Variants in ZSWIM6 observed in about 807,000 individuals in gnomAD.
The protein encoded by ZSWIM6 is zinc finger SWIM domain-containing protein 6.
ZSWIM6 carries 9 observed loss-of-function variants against 113.2 expected under a neutral mutation model. That is an observed-to-expected ratio of 0.08 (90% CI 0.05 to 0.14). The LOEUF is 0.14. Ranked by LOEUF, ZSWIM6 falls within the 10% of genes least tolerant of loss-of-function variation. ZSWIM6 has a pLI of 1.00. For missense variants in ZSWIM6, 1,162 were observed against 1,552.2 expected (o/e 0.75, Z 4.22); for synonymous variants, 611 against 606.5 (o/e 1.01, Z -0.11).
intron 1 of ZSWIM6, among the ~76,000 whole-genome samples, chr5:61,464,933 A>T (rs912148723): frequency 2.0e-5 from 3 of 152,228 alleles, no homozygotes; most frequent in Non-Finnish European, 4.4e-5. Flanking sequence ...AATAAACTTC[A>T]TCTGCACTTC....
chr5:61,392,561 A>G (rs139474332), intron 1 of ZSWIM6, among the ~76,000 whole-genome samples: 3 of 152,266 alleles, frequency 2.0e-5, no homozygotes, highest in African/African-American at 7.2e-5. Flanking sequence ...TGCCACTCTC[A>G]TGATATAATG....
intron 1 of ZSWIM6, among the ~76,000 whole-genome samples, chr5:61,410,163 C>T (rs909494034): frequency 2.6e-5 from 4 of 152,230 alleles, no homozygotes; most frequent in South Asian, 2.1e-4. Flanking sequence ...TACAAAACTA[C>T]GAAAACTCAG....
At chr5:61,397,768 T>C (rs1417373230) in intron 1 of ZSWIM6, among the ~76,000 whole-genome samples, 1 of 152,174 alleles carries the variant, frequency 6.6e-6, no homozygotes, top group Non-Finnish European at 1.5e-5. Flanking sequence ...CTTATTGCCT[T>C]TTTAGCTCAC....
rs1440328396 is a variant in ZSWIM6 at position 61,332,698 on chromosome 5, TGGCGGCGGCGGCGCGGGCGGCGGC to T, written c.439_462del (p.Ala147_Gly154del). On this transcript the variant is annotated inframe_deletion, in exon 1 of 14. Transcript: ENST00000252744. ...CGGGCGGCCCCGGCGACGACAGCGG[TGGCGGCGGCGGCGCGGGCGGCGGC>T]GGCGGCGGCGGCTCCTCGTCTTCCC... 27 of 967,230 alleles carry T rather than the reference TGGCGGCGGCGGCGCGGGCGGCGGC, an allele frequency of 2.8e-5. No homozygotes were observed. Among genetic ancestry groups the T allele is most frequent in the East Asian group, 1.3e-4 (1 of 7,768 alleles). The allele number at this position is 967,230 out of a possible 1,614,324, so 59.9% of individuals were successfully genotyped here.
intron 2 of ZSWIM6, among the ~76,000 whole-genome samples, chr5:61,490,055 A>C (rs1748136993): frequency 6.6e-6 from 1 of 152,052 alleles, no homozygotes; most frequent in African/African-American, 2.4e-5. Context: ...TTAGACCTTA[A>C]AATACCATTT....
chr5:61,336,945 G>A (rs904757308), intron 1 of ZSWIM6, among the ~76,000 whole-genome samples: 1 of 152,170 alleles, frequency 6.6e-6, no homozygotes, highest in African/African-American at 2.4e-5. Context: ...AGGAAGACAT[G>A]TAGATGGCCG....
intron 1 of ZSWIM6, among the ~76,000 whole-genome samples, chr5:61,394,223 G>C (rs1447313207): frequency 1.3e-5 from 2 of 152,240 alleles, no homozygotes; most frequent in Non-Finnish European, 2.9e-5. Flanking sequence ...CTCCCAGGAA[G>C]TGCTAGTGCA....
intron 2 of ZSWIM6, among the ~76,000 whole-genome samples, chr5:61,478,956 AT>A (rs1210469887): frequency 1.3e-5 from 2 of 152,074 alleles, no homozygotes; most frequent in Non-Finnish European, 2.9e-5. Context: ...GGATCACTTG[AT>A]GTCAGGAGTT....
intron 1 of ZSWIM6, among the ~76,000 whole-genome samples, chr5:61,426,548 TTTAAC>T (rs1435638272): frequency 6.6e-6 from 1 of 152,224 alleles, no homozygotes; most frequent in Non-Finnish European, 1.5e-5. Context: ...GGTAAAAACT[TTTAAC>T]TAATCTGTTC....
intron 1 of ZSWIM6, among the ~76,000 whole-genome samples, chr5:61,428,636 G>A (rs909319596): frequency 6.6e-6 from 1 of 151,690 alleles, no homozygotes; most frequent in Non-Finnish European, 1.5e-5. Context: ...CCCCTAAAGT[G>A]TTGGAATTAC....
Position 61,417,772 on chromosome 5 carries a change from G to T in ZSWIM6, c.677-54909G>T, listed in dbSNP as rs77567723. Among the ~76,000 whole-genome samples the T allele has an allele frequency of 3.9e-3, 591 of 152,282 alleles. 1 individual carries two copies. Among genetic ancestry groups the T allele is most frequent in the Non-Finnish European group, 6.8e-3 (461 of 68,026 alleles). On this transcript the variant is annotated intron_variant, in intron 1 of 13. Coordinates refer to ENST00000252744, the MANE Select transcript of ZSWIM6 (RefSeq NM_020928.2). ...ATATTTAAATAACTGATATACTCAA[G>T]AGTTTTGGAGAATGGGTAGATTGTT...
intron 1 of ZSWIM6, among the ~76,000 whole-genome samples, chr5:61,458,770 C>T (rs568173331): frequency 3.3e-5 from 5 of 151,350 alleles, no homozygotes; most frequent in Admixed American, 6.6e-5. Context: ...CCCAGCTACT[C>T]GGGAGGCTGA....
intron 1 of ZSWIM6, among the ~76,000 whole-genome samples, chr5:61,404,368 G>A (rs1746006679): frequency 6.6e-6 from 1 of 152,052 alleles, no homozygotes; most frequent in Non-Finnish European, 1.5e-5. Context: ...GGAAAGAATG[G>A]CATAAATTAA....
intron 4 of ZSWIM6, among the ~76,000 whole-genome samples, chr5:61,516,986 C>CT (rs1748963859): frequency 6.6e-6 from 1 of 152,070 alleles, no homozygotes. Context: ...CCATTGTATT[C>CT]TGTTTCCTGA....
At chr5:61,446,246 A>G (rs187745313) in intron 1 of ZSWIM6, among the ~76,000 whole-genome samples, 30 of 152,262 alleles carry the variant, frequency 2.0e-4, no homozygotes, top group Middle Eastern at 3.4e-3. Context: ...GATGGCCTCA[A>G]TCTCCTGACC....
In ZSWIM6 at chr5:61,483,910, AAT is replaced by A. The variant is rs1299279239; in HGVS notation, c.1034-6866_1034-6865del. Among the ~76,000 whole-genome samples, 4 of 150,754 alleles carry A rather than the reference AAT, an allele frequency of 2.7e-5. No homozygotes were observed. In the East Asian group the frequency reaches 5.8e-4, roughly 22 times the overall value. ...ATAAATAAATAAATAAAATAAAATA[AAT>A]ATATATATAAATAGTGTATTTAAAA... On this transcript the variant is annotated intron_variant, in intron 2 of 13. Coordinates refer to ENST00000252744, the MANE Select transcript of ZSWIM6 (RefSeq NM_020928.2).
At chr5:61,531,812 AT>A (rs1749442792) in intron 9 of ZSWIM6, 87 bp downstream of exon 9, 17 of 1,414,636 alleles carry the variant, frequency 1.2e-5, no homozygotes, top group African/African-American at 2.9e-5. Flanking sequence ...ATCTGAATGC[AT>A]TTAATATGGT....
Position 61,516,834 on chromosome 5 carries a change from C to T in ZSWIM6, c.1334-4429C>T, listed in dbSNP as rs1748958240. 2.6e-5 allele frequency among the ~76,000 whole-genome samples: 4 copies of T among 151,936 alleles called. No individual in the cohort carries two copies. In the South Asian group the frequency reaches 8.3e-4, roughly 32 times the overall value. ...ATTTCCTTCAACATTTCTTTTAGAA[C>T]AGATGTCTTGGCAACGAATACTGTA... On this transcript the variant is annotated intron_variant, in intron 4 of 13. Transcript: ENST00000252744.
chr5:61,403,594 G>T (rs1463066591), intron 1 of ZSWIM6, among the ~76,000 whole-genome samples: 1 of 152,152 alleles, frequency 6.6e-6, no homozygotes, highest in East Asian at 1.9e-4. Flanking sequence ...AGGAGCCTGG[G>T]AAAAGGAACA....
Sources: gnomAD v4.1 joint callset for allele counts (sites outside exome capture counted in the v4.1 genomes callset) on GRCh38, gnomAD v4.1.1 for gene constraint, MANE v1.5 for transcripts, NCBI Gene and HGNC (gene_info 2026-07-23, HGNC 2026-07-21) for gene names.